Variants in SLC22A25 observed in about 807,000 individuals in gnomAD.
SLC22A25 encodes solute carrier family 22 member 25.
Under a neutral mutation model 45.9 loss-of-function variants are expected in SLC22A25, and 44 were observed. That is an observed-to-expected ratio of 0.96 (90% CI 0.75 to 1.23). The LOEUF is 1.23. Ranked by LOEUF, SLC22A25 falls within the 50% of genes most tolerant of loss-of-function variation. SLC22A25 has a pLI of 0.00. For missense variants in SLC22A25, 800 were observed against 666.4 expected, an observed-to-expected ratio of 1.20 and a Z score of -2.21; for synonymous variants, 283 against 238.6, an observed-to-expected ratio of 1.19 and a Z score of -1.72.
In SLC22A25 at chr11:63,161,936, T is replaced by C. The variant is rs554850335; in HGVS notation, c.*1888A>G. 6.6e-6 allele frequency among the ~76,000 whole-genome samples: 1 copy of C among 152,336 alleles called. No individual in the cohort carries two copies. The highest frequency in any genetic ancestry group is 1.5e-5 in the Non-Finnish European group (1 of 68,026). On this transcript the variant is annotated 3_prime_UTR_variant, in exon 12 of 12. Transcript: ENST00000306494. Reference sequence around the variant, plus strand: ...TCCACATTCTCACCAGCATTTGTTCTTGCCTGTCTTTTGGATATCAGCCAT... The same window carrying C: ...TCCACATTCTCACCAGCATTTGTTCCTGCCTGTCTTTTGGATATCAGCCAT...
chr11:63,212,905 T>G (rs1319182323), intron 7 of SLC22A25, among the ~76,000 whole-genome samples: 1 of 152,176 alleles, frequency 6.6e-6, no homozygotes, highest in African/African-American at 2.4e-5. Flanking sequence ...AATACATTGA[T>G]GATTTGTTAT....
intron 7 of SLC22A25, among the ~76,000 whole-genome samples, chr11:63,213,069 G>A (rs1374894842): frequency 6.6e-6 from 1 of 152,122 alleles, no homozygotes; most frequent in Non-Finnish European, 1.5e-5. Flanking sequence ...GGCCAGCCCA[G>A]GCTTGGAAGT....
intron 7 of SLC22A25, among the ~76,000 whole-genome samples, chr11:63,201,811 A>AT (rs2089252711): frequency 2.7e-4 from 1 of 3,656 alleles, no homozygotes; most frequent in African/African-American, 2.9e-4. Flanking sequence ...CAAAATTTCA[A>AT]TAAAAAAACC....
rs375997652 is a variant in SLC22A25, at chr11:63,164,517, C to G, written c.1394+9G>C. The G allele has an allele frequency of 2.0e-5, 33 of 1,610,894 alleles. No individual in the cohort carries two copies. The African/African-American group carries it at 4.4e-4, about 22-fold the overall frequency. ...TTGAGAATGACAGAGCACACATAAA[C>G]TTTTGTACCTGATTATGGAAGGAAT... On this transcript the variant is annotated intron_variant, in intron 11 of 11. Transcript: ENST00000306494.
intron 7 of SLC22A25, among the ~76,000 whole-genome samples, chr11:63,206,532 C>T (rs1473142552): frequency 2.0e-5 from 3 of 152,194 alleles, no homozygotes; most frequent in African/African-American, 7.2e-5. Context: ...AACTCTCATT[C>T]ACAGTTGCTA....
At chr11:63,204,913 A>AAAAC (rs2089354747) in intron 7 of SLC22A25, among the ~76,000 whole-genome samples, 1 of 152,242 alleles carries the variant, frequency 6.6e-6, no homozygotes, top group South Asian at 2.1e-4. Flanking sequence ...AATTGGAAGT[A>AAAAC]AAACATTCCT....
chr11:63,182,920 T>C (rs2088380680), intron 8 of SLC22A25, among the ~76,000 whole-genome samples: 1 of 152,136 alleles, frequency 6.6e-6, no homozygotes, highest in South Asian at 2.1e-4. Context: ...TTTTATAATT[T>C]CCAACACTTA....
chr11:63,180,549 T>A (rs964603366), intron 9 of SLC22A25, 111 bp downstream of exon 9: 10 of 724,958 alleles, frequency 1.4e-5, no homozygotes, highest in Non-Finnish European at 2.2e-5. Context: ...TATGGATTTA[T>A]CATCTTTTAT....
At chr11:63,169,044 C>A (rs1246969032) in intron 9 of SLC22A25, among the ~76,000 whole-genome samples, 1 of 152,140 alleles carries the variant, frequency 6.6e-6, no homozygotes, top group African/African-American at 2.4e-5. Flanking sequence ...AATTTTCAAC[C>A]CAGAATTTCA....
In SLC22A25 at chr11:63,160,912, C is replaced by G. The variant is rs1326629306; in HGVS notation, c.*2912G>C. 2.0e-5 allele frequency among the ~76,000 whole-genome samples: 3 copies of G among 152,150 alleles called. No homozygotes were observed. Among genetic ancestry groups the G allele is most frequent in the Non-Finnish European group, 2.9e-5 (2 of 68,022 alleles). ...TTGTATGGGGCCTTTAGTAAAACTG[C>G]TATGGAGAACAGTTTGGAGGTTCCT... On this transcript the variant is annotated 3_prime_UTR_variant, in exon 12 of 12. Coordinates refer to ENST00000306494, the MANE Select transcript of SLC22A25 (RefSeq NM_199352.6).
chr11:63,180,360 A>G (rs183129126), intron 9 of SLC22A25, among the ~76,000 whole-genome samples: 2 of 152,260 alleles, frequency 1.3e-5, no homozygotes, highest in African/African-American at 4.8e-5. Context: ...AATTAGCTCA[A>G]TTAAAATGGA....
chr11:63,203,543 G>A (rs2089311056), intron 7 of SLC22A25, among the ~76,000 whole-genome samples: 1 of 151,766 alleles, frequency 6.6e-6, no homozygotes, highest in Admixed American at 6.6e-5. Context: ...TGATCAAGCA[G>A]AAGAAAGTAT....
At chr11:63,242,162 A>C (rs1464848972) in intron 1 of SLC22A25, among the ~76,000 whole-genome samples, 2 of 152,228 alleles carry the variant, frequency 1.3e-5, no homozygotes, top group Admixed American at 1.3e-4. Flanking sequence ...GAGAATGTAC[A>C]AAATGAAATG....
At chr11:63,215,465 G>A (rs1426603811) in intron 7 of SLC22A25, among the ~76,000 whole-genome samples, 1 of 152,134 alleles carries the variant, frequency 6.6e-6, no homozygotes, top group Non-Finnish European at 1.5e-5. Flanking sequence ...ATAGCATTAG[G>A]AGAAATACCT....
At chr11:63,188,011 T>C (rs2088631696) in intron 7 of SLC22A25, among the ~76,000 whole-genome samples, 1 of 151,930 alleles carries the variant, frequency 6.6e-6, no homozygotes, top group Non-Finnish European at 1.5e-5. Context: ...ATTCTCTTTT[T>C]TTATTGTGTC....
chr11:63,206,305 GAAAT>G (rs2089401726), intron 7 of SLC22A25, among the ~76,000 whole-genome samples: 1 of 152,172 alleles, frequency 6.6e-6, no homozygotes, highest in Non-Finnish European at 1.5e-5. Context: ...GCAAGAGAAA[GAAAT>G]AAAGGGTATT....
intron 7 of SLC22A25, among the ~76,000 whole-genome samples, chr11:63,213,519 C>T (rs1248459110): frequency 3.9e-5 from 6 of 152,146 alleles, no homozygotes; most frequent in African/African-American, 1.4e-4. Flanking sequence ...AGCCCTAGGT[C>T]AGAAGTTAAT....
chr11:63,160,290 T>G lies in SLC22A25; in HGVS notation c.*3534A>C, dbSNP rs1428381439. Among the ~76,000 whole-genome samples the G allele has an allele frequency of 6.6e-6, 1 of 152,170 alleles. No homozygotes were observed. The highest frequency in any genetic ancestry group is 1.9e-4 in the East Asian group (1 of 5,196). ...CCAGGTGCCCCTGCTGTGTGCAGCC[T>G]TAGTGACTTGGTGCCCTGTGTCTCA... is the stretch of plus-strand genomic sequence containing the variant. On this transcript the variant is annotated 3_prime_UTR_variant, in exon 12 of 12. Coordinates refer to ENST00000306494, the MANE Select transcript of SLC22A25 (RefSeq NM_199352.6).
At chr11:63,173,323 A>G (rs2087960267) in intron 9 of SLC22A25, among the ~76,000 whole-genome samples, 1 of 152,114 alleles carries the variant, frequency 6.6e-6, no homozygotes, top group South Asian at 2.1e-4. Context: ...ACCATGGCAC[A>G]TGTATACCAA....
Sources: gnomAD v4.1 joint callset for allele counts (sites outside exome capture counted in the v4.1 genomes callset) on GRCh38, gnomAD v4.1.1 for gene constraint, MANE v1.5 for transcripts, NCBI Gene and HGNC (gene_info 2026-07-23, HGNC 2026-07-21) for gene names.